The following ATAD5 variants were observed in gnomAD, a reference collection of about 807,000 sequenced individuals.
The protein encoded by ATAD5 is ATPase family AAA domain-containing protein 5.
ATAD5 carries 58 observed loss-of-function variants against 176.9 expected under a neutral mutation model. The ratio of observed to expected loss-of-function variants is 0.33; its 90% CI spans 0.27 to 0.41. The LOEUF is 0.41. Among genes scored for constraint, ATAD5 ranks in the 10% least tolerant of loss-of-function variants. The pLI, the probability that ATAD5 is intolerant of heterozygous loss-of-function variation, is 1.00. For synonymous variants in ATAD5, 640 were observed against 712.6 expected, an observed-to-expected ratio of 0.90 and a Z score of 1.62; for missense variants, 1,789 against 2,094.1, an observed-to-expected ratio of 0.85 and a Z score of 2.84.
intron 4 of ATAD5, among the ~76,000 whole-genome samples, chr17:30,841,057 G>A (rs1002519496): frequency 8.0e-5 from 12 of 150,820 alleles, no homozygotes; most frequent in South Asian, 6.3e-4. Flanking sequence ...TTGCCCAGGC[G>A]AGAGTGCAAT....
chr17:30,889,931 C>T (rs1194251548), intron 19 of ATAD5, among the ~76,000 whole-genome samples: 1 of 142,676 alleles, frequency 7.0e-6, no homozygotes, highest in Non-Finnish European at 1.5e-5. Context: ...ATTCTGTTGC[C>T]CAGGCTGGAG....
intron 17 of ATAD5, 105 bp downstream of exon 17, chr17:30,878,201 A>T (rs1356172358): frequency 1.3e-6 from 1 of 755,448 alleles, no homozygotes; most frequent in Admixed American, 2.5e-5. Flanking sequence ...TTACTTTTTT[A>T]AAATTGATAC....
chr17:30,875,645 C>T (rs529437076), intron 14 of ATAD5, among the ~76,000 whole-genome samples: 52 of 151,802 alleles, frequency 3.4e-4, no homozygotes, highest in South Asian at 4.2e-4. Context: ...AAAATACAAA[C>T]GATTAGCCAG....
chr17:30,855,002 G>T (rs9894876), intron 6 of ATAD5, 141 bp from the exon 7 acceptor site: 1 of 723,312 alleles, frequency 1.4e-6, no homozygotes, highest in Admixed American at 3.4e-5. Flanking sequence ...TAAGTGATCC[G>T]CCCACCTCTG....
At position 30,869,359 on chromosome 17, in the gene ATAD5, T is replaced by C; in HGVS notation, c.3425T>C (p.Val1142Ala). 1.2e-6 allele frequency: 2 copies of C among 1,613,896 alleles called. No homozygotes were observed. The highest frequency in any genetic ancestry group is 1.1e-5 in the South Asian group (1 of 91,058). The change falls in exon 13 of 23, where the codon GTG becomes GCG. Residue 1142 changes from valine (V) to alanine (A), a missense_variant. Around this residue, in one of 6 missense-constraint regions of ATAD5, gnomAD observed 6 missense variants for 24.9 expected, o/e 0.24. Transcript: ENST00000321990. ...GPTGVGKTAA[V>A]YACAQELGFK... is the part of the protein sequence containing the mutation. ...ACAGGAGTGGGAAAAACTGCTGCAG[T>C]GTATGCTTGTGCCCAGGAGCTTGGA...
intron 6 of ATAD5, among the ~76,000 whole-genome samples, chr17:30,847,316 C>CTATA (rs552039836): frequency 0.051 from 7,644 of 150,218 alleles, 617 homozygotes; most frequent in African/African-American, 0.17. Flanking sequence ...GAATATGCCG[C>CTATA]TATATATATA....
At position 30,858,158 on chromosome 17, in the gene ATAD5, C is replaced by T. The variant is rs201391293; in HGVS notation, c.2794-3C>T. 2 of 1,530,204 alleles carry T rather than the reference C, an allele frequency of 1.3e-6. No individual in the cohort carries two copies. Among genetic ancestry groups the T allele is most frequent in the East Asian group, 2.4e-5 (1 of 41,522 alleles). The allele number at this position is 1,530,204 out of a possible 1,614,324, so 94.8% of individuals were successfully genotyped here. A position where few individuals can be genotyped will look rare whatever the true frequency, so the allele number is the denominator to read the frequency against. On this transcript the variant is annotated splice_polypyrimidine_tract_variant and splice_region_variant and intron_variant, in intron 8 of 22. Transcript: ENST00000321990. ...TTATTGTGCATTTTATTCTTTATTGCAGTTCATGAGGACAAGGAAGGAATT... is the reference window on the plus strand; with the variant it reads ...TTATTGTGCATTTTATTCTTTATTGTAGTTCATGAGGACAAGGAAGGAATT...
In ATAD5 at chr17:30,834,639, A is replaced by G; in HGVS notation, c.558A>G (p.Gln186=). 6.2e-7 allele frequency: 1 copy of G among 1,610,028 alleles called. No homozygotes were observed. Among genetic ancestry groups the G allele is most frequent in the Non-Finnish European group, 8.5e-7 (1 of 1,179,090 alleles). ...AACCAAATACTATGACCTCCCTGCAAAATTCTAAAAAAGTAAATCCTAAAC... is the reference window on the plus strand; with the variant it reads ...AACCAAATACTATGACCTCCCTGCAGAATTCTAAAAAAGTAAATCCTAAAC... The part of the protein sequence containing the change: ...KSQPNTMTSL[Q]NSKKVNPKQG... The change falls in exon 2 of 23, where the codon CAA becomes CAG. Residue 186 remains glutamine, a synonymous_variant. Coordinates refer to ENST00000321990, the MANE Select transcript of ATAD5 (RefSeq NM_024857.5).
intron 10 of ATAD5, among the ~76,000 whole-genome samples, chr17:30,862,291 G>T (rs1057320252): frequency 2.0e-5 from 3 of 150,630 alleles, no homozygotes; most frequent in East Asian, 4.0e-4. Context: ...CCAAGATCTC[G>T]CCACTGCACT....
At chr17:30,846,536 G>A (rs1483363526) in intron 6 of ATAD5, among the ~76,000 whole-genome samples, 1 of 151,514 alleles carries the variant, frequency 6.6e-6, no homozygotes, top group African/African-American at 2.4e-5. Flanking sequence ...CTGAGTAGCT[G>A]GGACTACAGG....
chr17:30,833,253 G>A, intron 1 of ATAD5, among the ~76,000 whole-genome samples: 1 of 151,948 alleles, frequency 6.6e-6, no homozygotes, highest in East Asian at 1.9e-4. Context: ...TAGTTACTCA[G>A]CTTGTCTTCT....
chr17:30,887,646 CA>C (rs1276850811), intron 19 of ATAD5, among the ~76,000 whole-genome samples: 1 of 151,670 alleles, frequency 6.6e-6, no homozygotes, highest in African/African-American at 2.4e-5. Context: ...CCTGTCTCTA[CA>C]AAAAAAATTT....
At position 30,844,873 on chromosome 17, in the gene ATAD5, G is replaced by A. The variant is rs759044710; in HGVS notation, c.2407G>A (p.Ala803Thr). 5.0e-6 allele frequency: 8 copies of A among 1,586,006 alleles called. No homozygotes were observed. In the African/African-American group the frequency reaches 1.1e-4, roughly 22 times the overall value. The change falls in exon 6 of 23, where the codon GCA becomes ACA. Residue 803 changes from alanine (A) to threonine (T), a missense_variant. Ala to Thr is a moderately conservative substitution (Grantham distance 58). Coordinates refer to ENST00000321990, the MANE Select transcript of ATAD5 (RefSeq NM_024857.5). ...CGCTCCTTTATTTCTTGTCAGAAAAGCACAAAAAGCAGCTGATCCTGTCCC... is the reference window on the plus strand; with the variant it reads ...CGCTCCTTTATTTCTTGTCAGAAAAACACAAAAAGCAGCTGATCCTGTCCC... Reference protein sequence around the residue: ...KVAPLFLVRKAQKAADPVPSF... With the variant: ...KVAPLFLVRKTQKAADPVPSF...
At chr17:30,883,740 G>T (rs184740714) in intron 18 of ATAD5, among the ~76,000 whole-genome samples, 1 of 146,540 alleles carries the variant, frequency 6.8e-6, no homozygotes, top group Admixed American at 6.7e-5. Context: ...TAGTAGAGAT[G>T]GGGTTTCACC....
chr17:30,860,673 C>G (rs1907576369), intron 10 of ATAD5, 61 bp downstream of exon 10: 2 of 1,324,554 alleles, frequency 1.5e-6, no homozygotes, highest in Admixed American at 2.9e-5. Flanking sequence ...AAAGTGGAAA[C>G]CAAAGCAGTA....
chr17:30,869,995 TC>T (rs1171310019), intron 14 of ATAD5: 1 of 191,518 alleles, frequency 5.2e-6, no homozygotes, highest in African/African-American at 2.4e-5. Flanking sequence ...ATGCCTGTAG[TC>T]CCAGCTACTC....
At chr17:30,841,271 G>A (rs1906095701) in intron 4 of ATAD5, among the ~76,000 whole-genome samples, 1 of 152,038 alleles carries the variant, frequency 6.6e-6, no homozygotes. Flanking sequence ...TGGCCTACTA[G>A]GGTGCCAGCC....
In ATAD5 at chr17:30,834,756, A is replaced by T. The variant is rs749211440; in HGVS notation, c.675A>T (p.Glu225Asp). 6.2e-6 allele frequency: 10 copies of T among 1,614,052 alleles called. No homozygotes were observed. The South Asian group carries it at 8.8e-5, about 14-fold the overall frequency. The change falls in exon 2 of 23, where the codon GAA (glutamate) becomes GAT (aspartate). Residue 225 changes from glutamate to aspartate, a missense_variant. Coordinates refer to ENST00000321990, the MANE Select transcript of ATAD5 (RefSeq NM_024857.5). Reference sequence around the variant, plus strand: ...CTGAAAGCTTACCCTTGGCAGAGGAACTAAATTTGCTTAAAAAAGATGGTA... The same window carrying T: ...CTGAAAGCTTACCCTTGGCAGAGGATCTAAATTTGCTTAAAAAAGATGGTA... ...DLSESLPLAEELNLLKKDGKD... is the reference protein window; with the variant it reads ...DLSESLPLAEDLNLLKKDGKD...
At chr17:30,841,025 T>C (rs1233807327) in intron 4 of ATAD5, among the ~76,000 whole-genome samples, 3 of 152,152 alleles carry the variant, frequency 2.0e-5, no homozygotes, top group Non-Finnish European at 2.9e-5. Flanking sequence ...TTTTTTTTTT[T>C]TGAGACAGAG....
Sources: allele counts gnomAD v4.1 joint callset (sites outside exome capture counted in the v4.1 genomes callset), GRCh38; gene constraint gnomAD v4.1.1; regional missense constraint gnomAD v4.1.1; transcripts MANE v1.5; gene names NCBI Gene and HGNC (gene_info 2026-07-23, HGNC 2026-07-21).